BCAP31: variants seen among roughly 807,000 people sequenced by gnomAD.
BCAP31 encodes the protein B cell receptor associated protein 31.
For synonymous variants in BCAP31, 75 were observed against 80.9 expected, an observed-to-expected ratio of 0.93 and a Z score of 0.39; for missense variants, 124 against 193.0, an observed-to-expected ratio of 0.64 and a Z score of 2.12.
At chrX:153,716,715 A>C (rs2091631660) in intron 3 of BCAP31, among the ~76,000 whole-genome samples, 1 of 111,871 alleles carries the variant, frequency 8.9e-6, no homozygotes, top group Non-Finnish European at 1.9e-5. Context: ...AGTTACGATC[A>C]CACCACTGCA....
In BCAP31 at chrX:153,715,604, G is replaced by A. The variant is rs1557049944; in HGVS notation, c.279C>T (p.His93=). 1.7e-6 allele frequency: 2 copies of A among 1,209,666 alleles called. No individual in the cohort carries two copies. The highest frequency in any genetic ancestry group is 2.2e-6 in the Non-Finnish European group (2 of 894,882). The change falls in exon 4 of 8, where the codon CAC becomes CAT. Residue 93 remains histidine (H), a synonymous_variant. Coordinates refer to ENST00000345046, the MANE Select transcript of BCAP31 (RefSeq NM_001256447.2). The part of the protein sequence containing the change: ...QNNPGAMEHF[H]MKLFRAQRNL... ...TCCTCTGGGCACGGAAAAGCTTCAT[G>A]TGGAAGTGCTCCATGGCCCCGGGAT...
At chrX:153,709,983 C>A (rs1296173254) in intron 4 of BCAP31, among the ~76,000 whole-genome samples, 2 of 112,591 alleles carry the variant, frequency 1.8e-5, no homozygotes, top group Non-Finnish European at 3.8e-5. Context: ...GTGGGCCCCT[C>A]GGAACAGGCT....
intron 3 of BCAP31, among the ~76,000 whole-genome samples, chrX:153,719,552 A>G (rs1220122762): frequency 9.0e-6 from 1 of 111,042 alleles, no homozygotes; most frequent in East Asian, 2.8e-4. Context: ...CAGGAAGGAG[A>G]AATGCCTAAT....
At chrX:153,704,126 G>A (rs2091538054) in intron 4 of BCAP31, 32 bp from the exon 5 acceptor site, 1 of 1,190,710 alleles carries the variant, frequency 8.4e-7, no homozygotes, top group Non-Finnish European at 1.1e-6. Flanking sequence ...AGGGAGAAGT[G>A]AGAAAAAGAG....
At chrX:153,720,070 C>A (rs2091654262) in intron 3 of BCAP31, among the ~76,000 whole-genome samples, 1 of 111,813 alleles carries the variant, frequency 8.9e-6, no homozygotes, top group Non-Finnish European at 1.9e-5. Flanking sequence ...GTGTTCTCCT[C>A]CTACTACTAC....
intron 4 of BCAP31, among the ~76,000 whole-genome samples, chrX:153,708,916 G>T (rs1740255077): frequency 8.9e-6 from 1 of 112,261 alleles, no homozygotes; most frequent in Non-Finnish European, 1.9e-5. Flanking sequence ...AGAGCTGGGG[G>T]AAATGGAGGC....
chrX:153,703,382 C>T (rs191759812), intron 5 of BCAP31, among the ~76,000 whole-genome samples: 184 of 113,422 alleles, frequency 1.6e-3, no homozygotes, highest in African/African-American at 5.6e-3. Flanking sequence ...ATGGTGCTCA[C>T]CAACCCCTCC....
intron 3 of BCAP31, among the ~76,000 whole-genome samples, chrX:153,719,499 G>C (rs2148382904): frequency 8.9e-6 from 1 of 112,410 alleles, no homozygotes; most frequent in African/African-American, 3.2e-5. Context: ...GGCCTGTTCA[G>C]AGGCAGTCCA....
At chrX:153,722,662 T>C (rs1205803112) in intron 2 of BCAP31, among the ~76,000 whole-genome samples, 2 of 112,450 alleles carry the variant, frequency 1.8e-5, no homozygotes, top group Non-Finnish European at 3.8e-5. Context: ...TCCAATTCAC[T>C]TTTAACAGGT....
chrX:153,714,742 A>G (rs2091615273), intron 4 of BCAP31, among the ~76,000 whole-genome samples: 1 of 110,926 alleles, frequency 9.0e-6, no homozygotes, highest in East Asian at 2.8e-4. Flanking sequence ...TTCAAACTTC[A>G]TGTGTTGGAA....
intron 1 of BCAP31, 98 bp from the exon 2 acceptor site, chrX:153,723,386 T>C: frequency 8.8e-7 from 1 of 1,132,145 alleles, no homozygotes; most frequent in Middle Eastern, 2.5e-4. Context: ...CTCTCCACCC[T>C]GACCCCCTGC....
intron 1 of BCAP31, chrX:153,724,018 T>G: frequency 5.9e-6 from 2 of 336,798 alleles, no homozygotes; most frequent in Non-Finnish European, 5.7e-6. Flanking sequence ...GTCCTTACAG[T>G]AGCCCTCGCG....
intron 2 of BCAP31, among the ~76,000 whole-genome samples, chrX:153,722,164 C>T (rs2091671525): frequency 9.0e-6 from 1 of 111,727 alleles, no homozygotes; most frequent in Admixed American, 9.5e-5. Context: ...TAAGAAGAGA[C>T]TTCAGAAGTG....
intron 1 of BCAP31, 136 bp downstream of exon 1, chrX:153,724,198 C>T (rs1413573851): frequency 4.3e-6 from 1 of 230,705 alleles, no homozygotes; most frequent in Non-Finnish European, 8.0e-6. Context: ...CCCTGCCTCT[C>T]ACACGCAGGT....
intron 4 of BCAP31, among the ~76,000 whole-genome samples, chrX:153,712,715 A>T (rs2091601091): frequency 8.9e-6 from 1 of 112,334 alleles, no homozygotes; most frequent in Non-Finnish European, 1.9e-5. Context: ...CCCAGAGATC[A>T]GTGTGGATTC....
At chrX:153,723,998 G>A (rs1557051728) in intron 1 of BCAP31, 24 of 380,866 alleles carry the variant, frequency 6.3e-5, no homozygotes, top group South Asian at 5.7e-4. Context: ...AGTATCCTCA[G>A]AAGCCAGGGG....
intron 3 of BCAP31, among the ~76,000 whole-genome samples, chrX:153,717,463 G>A (rs782446140): frequency 8.9e-6 from 1 of 112,203 alleles, no homozygotes; most frequent in South Asian, 3.7e-4. Flanking sequence ...TGGGTTACAG[G>A]GTCTCACTCT....
chrX:153,724,171 G>GC (rs1321374261), intron 1 of BCAP31, 163 bp downstream of exon 1: 5 of 239,732 alleles, frequency 2.1e-5, no homozygotes, highest in Non-Finnish European at 3.1e-5. Context: ...TAGAGGCGCC[G>GC]CCCGGTTTCC....
chrX:153,724,247 C>T (rs2091691786), intron 1 of BCAP31, 87 bp downstream of exon 1: 1 of 210,293 alleles, frequency 4.8e-6, no homozygotes, highest in Non-Finnish European at 8.8e-6. Context: ...CCCGGGCCTC[C>T]CCGCGCCGCT....
Sources: allele counts gnomAD v4.1 joint callset (sites outside exome capture counted in the v4.1 genomes callset), GRCh38; gene constraint gnomAD v4.1.1; transcripts MANE v1.5; gene names NCBI Gene and HGNC (gene_info 2026-07-23, HGNC 2026-07-21).